Variants in ZMAT4 observed in about 807,000 individuals in gnomAD.
ZMAT4 encodes the protein zinc finger matrin-type protein 4.
ZMAT4 carries 17 observed loss-of-function variants against 28.7 expected under a neutral mutation model. The observed-to-expected ratio is 0.59, with a 90% confidence interval of 0.41 to 0.89. The LOEUF (loss-of-function observed/expected upper bound fraction) is 0.89, where lower values mean the gene tolerates loss of function less well. Ranked by LOEUF, ZMAT4 falls within the 40% of genes least tolerant of loss-of-function variation. ZMAT4 has a pLI of 0.00. For missense variants in ZMAT4, 240 were observed against 283.8 expected, an observed-to-expected ratio of 0.85 and a Z score of 1.11; for synonymous variants, 117 against 109.2, an observed-to-expected ratio of 1.07 and a Z score of -0.44.
chr8:40,724,510 C>T (rs1370728380), intron 3 of ZMAT4, among the ~76,000 whole-genome samples: 1 of 152,198 alleles, frequency 6.6e-6, no homozygotes, highest in Non-Finnish European at 1.5e-5. Flanking sequence ...CTGACTCATA[C>T]TTACAGATAT....
chr8:40,877,315 C>G (rs148172572), intron 1 of ZMAT4, among the ~76,000 whole-genome samples: 1 of 152,146 alleles, frequency 6.6e-6, no homozygotes, highest in African/African-American at 2.4e-5. Context: ...CCCTGGTATG[C>G]GGTACTTCAT....
At chr8:40,797,599 A>G (rs1018207181) in intron 2 of ZMAT4, among the ~76,000 whole-genome samples, 2 of 152,234 alleles carry the variant, frequency 1.3e-5, no homozygotes, top group Admixed American at 1.3e-4. Flanking sequence ...AGCTGTGCAC[A>G]TTACAGGACT....
chr8:40,596,282 C>T (rs760734144), intron 5 of ZMAT4, among the ~76,000 whole-genome samples: 19 of 152,096 alleles, frequency 1.2e-4, no homozygotes, highest in African/African-American at 2.2e-4. Context: ...AAACACTGTA[C>T]GCTTAGGCTA....
intron 6 of ZMAT4, among the ~76,000 whole-genome samples, chr8:40,573,157 A>C (rs1804152608): frequency 6.6e-6 from 1 of 152,202 alleles, no homozygotes; most frequent in Non-Finnish European, 1.5e-5. Flanking sequence ...CATCTCTATC[A>C]TCATCATCAC....
chr8:40,652,236 G>GA (rs993638408), intron 5 of ZMAT4, among the ~76,000 whole-genome samples: 1 of 115,906 alleles, frequency 8.6e-6, no homozygotes, highest in Non-Finnish European at 1.9e-5. Context: ...AAATTTACAA[G>GA]AAAAAAACAA....
intron 2 of ZMAT4, among the ~76,000 whole-genome samples, chr8:40,802,782 A>T (rs1321229968): frequency 6.6e-6 from 1 of 152,232 alleles, no homozygotes; most frequent in Non-Finnish European, 1.5e-5. Context: ...ATTGAAAAAG[A>T]AGAACAGTCA....
chr8:40,605,322 A>G (rs777410511), intron 5 of ZMAT4, among the ~76,000 whole-genome samples: 1 of 152,164 alleles, frequency 6.6e-6, no homozygotes, highest in Non-Finnish European at 1.5e-5. Flanking sequence ...AGTTAATGCT[A>G]GAAACTTTCC....
chr8:40,672,177 A>G (rs1253166848), intron 5 of ZMAT4, among the ~76,000 whole-genome samples: 1 of 152,224 alleles, frequency 6.6e-6, no homozygotes, highest in Non-Finnish European at 1.5e-5. Context: ...CTACCATCCT[A>G]TTATATTGCT....
chr8:40,860,906 C>T (rs942281768), intron 1 of ZMAT4, among the ~76,000 whole-genome samples: 2 of 152,156 alleles, frequency 1.3e-5, no homozygotes, highest in East Asian at 1.9e-4. Context: ...CACCCACCAT[C>T]GGGAAGGCCA....
chr8:40,678,337 C>T (rs947181799), intron 4 of ZMAT4, among the ~76,000 whole-genome samples: 2 of 152,192 alleles, frequency 1.3e-5, no homozygotes, highest in African/African-American at 4.8e-5. Flanking sequence ...TAGTAGCTAA[C>T]ATTATAAATT....
chr8:40,880,139 G>A (rs745883438), intron 1 of ZMAT4, among the ~76,000 whole-genome samples: 5 of 152,128 alleles, frequency 3.3e-5, no homozygotes, highest in Non-Finnish European at 7.3e-5. Context: ...AGGCCAAGAC[G>A]GGTGGATTAC....
chr8:40,555,116 G>A (rs1434817074), intron 6 of ZMAT4, among the ~76,000 whole-genome samples: 1 of 152,054 alleles, frequency 6.6e-6, no homozygotes, highest in African/African-American at 2.4e-5. Flanking sequence ...AACATAATGA[G>A]TTCCATCAAT....
At chr8:40,760,761 G>A (rs976879910) in intron 3 of ZMAT4, among the ~76,000 whole-genome samples, 12 of 139,812 alleles carry the variant, frequency 8.6e-5, no homozygotes, top group Non-Finnish European at 1.1e-4. Context: ...TCTCTGTCGC[G>A]GTCTCTCTCT....
In ZMAT4 at chr8:40,535,826, A is replaced by C. The variant is rs1259858024; in HGVS notation, c.675-3588T>G. On this transcript the variant is annotated intron_variant, in intron 6 of 6. Transcript: ENST00000297737. ...GTCCCACACTGAATGTAAACTGTTC[A>C]ATAAGCCAGTGAAAAAACAGAGCAG... Among the ~76,000 whole-genome samples, 16 of 152,338 alleles carry C rather than the reference A, an allele frequency of 1.1e-4. No individual in the cohort carries two copies. The East Asian group carries it at 3.1e-3, about 29-fold the overall frequency.
intron 5 of ZMAT4, among the ~76,000 whole-genome samples, chr8:40,627,887 C>T (rs1806432096): frequency 6.6e-6 from 1 of 151,988 alleles, no homozygotes; most frequent in Admixed American, 6.6e-5. Flanking sequence ...AAGGCAGGAG[C>T]CTGAGGGATT....
At position 40,708,278 on chromosome 8, in the gene ZMAT4, C is replaced by T. The variant is rs566155038; in HGVS notation, c.193-10877G>A. On this transcript the variant is annotated intron_variant, in intron 3 of 6. Transcript: ENST00000297737. ...TGAGAACAGCAGCTGGCATCAGGAG[C>T]GCATGTCCCATCCCCACAGCAGATT... Among the ~76,000 whole-genome samples, 28 of 152,262 alleles carry T rather than the reference C, an allele frequency of 1.8e-4. No homozygotes were observed. In the East Asian group the frequency reaches 4.3e-3, roughly 23 times the overall value.
At chr8:40,663,713 A>ATG (rs1393743006) in intron 5 of ZMAT4, among the ~76,000 whole-genome samples, 1 of 152,180 alleles carries the variant, frequency 6.6e-6, no homozygotes, top group African/African-American at 2.4e-5. Flanking sequence ...AAAAATAATA[A>ATG]TGCAAAAATA....
At chr8:40,739,477 T>A (rs1299379560) in intron 3 of ZMAT4, among the ~76,000 whole-genome samples, 1 of 152,172 alleles carries the variant, frequency 6.6e-6, no homozygotes, top group Non-Finnish European at 1.5e-5. Context: ...GATGACAAGC[T>A]TGATTCTGGA....
At chr8:40,580,945 C>T (rs1355483303) in intron 6 of ZMAT4, among the ~76,000 whole-genome samples, 1 of 151,984 alleles carries the variant, frequency 6.6e-6, no homozygotes, top group Non-Finnish European at 1.5e-5. Flanking sequence ...GTATGCTAAA[C>T]TGTCCTTGAA....
Sources: gnomAD v4.1 joint callset for allele counts (sites outside exome capture counted in the v4.1 genomes callset) on GRCh38, gnomAD v4.1.1 for gene constraint, MANE v1.5 for transcripts, NCBI Gene and HGNC (gene_info 2026-07-23, HGNC 2026-07-21) for gene names.